CNTN4: variants seen among roughly 807,000 people sequenced by gnomAD.
CNTN4 encodes the protein contactin 4.
Under a neutral mutation model 122.5 loss-of-function variants are expected in CNTN4, and 77 were observed. The observed-to-expected ratio is 0.63, with a 90% CI of 0.52 to 0.76. The LOEUF (loss-of-function observed/expected upper bound fraction) is 0.76, where lower values mean the gene tolerates loss of function less well. CNTN4 is among the 30% of genes least tolerant of loss of function. The pLI is 0.00. For missense variants in CNTN4, 1,256 were observed against 1,259.1 expected (o/e 1.00, Z 0.04); for synonymous variants, 512 against 447.0 (o/e 1.15, Z -1.83).
At chr3:2,599,328 G>T (rs73005793) in intron 4 of CNTN4, among the ~76,000 whole-genome samples, 1,555 of 152,302 alleles carry the variant, frequency 0.01, 10 homozygotes, top group Middle Eastern at 0.034. Context: ...GGTGAAGAAA[G>T]AATTTAAAAC....
intron 3 of CNTN4, among the ~76,000 whole-genome samples, chr3:2,447,668 T>C (rs930611696): frequency 3.3e-5 from 5 of 152,258 alleles, no homozygotes; most frequent in Admixed American, 6.5e-5. Flanking sequence ...TATATGTACA[T>C]ATTCTGAATG....
chr3:2,328,407 A>G (rs1042958337), intron 2 of CNTN4, among the ~76,000 whole-genome samples: 2 of 152,224 alleles, frequency 1.3e-5, no homozygotes, highest in Admixed American at 6.5e-5. Context: ...CTCCGTCTCA[A>G]AAAATAAAAA....
At chr3:2,677,548 C>A (rs10452000) in intron 4 of CNTN4, among the ~76,000 whole-genome samples, 14 of 147,184 alleles carry the variant, frequency 9.5e-5, no homozygotes, top group Middle Eastern at 3.5e-3. Context: ...CACACACTTA[C>A]GACTGGTTTA....
chr3:2,560,628 C>T (rs1290424216), intron 3 of CNTN4, among the ~76,000 whole-genome samples: 5 of 152,142 alleles, frequency 3.3e-5, no homozygotes, highest in African/African-American at 9.7e-5. Flanking sequence ...TCAGAAATAA[C>T]TTGCCTAAAA....
intron 4 of CNTN4, among the ~76,000 whole-genome samples, chr3:2,692,127 G>A (rs1251882874): frequency 6.6e-6 from 1 of 152,168 alleles, no homozygotes; most frequent in Non-Finnish European, 1.5e-5. Context: ...TTGGACCCAT[G>A]AGAAGTATTA....
chr3:2,849,580 G>T (rs374276921), intron 7 of CNTN4, among the ~76,000 whole-genome samples: 63 of 152,322 alleles, frequency 4.1e-4, no homozygotes, highest in Middle Eastern at 6.8e-3. Context: ...GGAGCAGAAA[G>T]AAGTACTTAT....
At chr3:2,265,864 A>C (rs965856817) in intron 2 of CNTN4, among the ~76,000 whole-genome samples, 4 of 150,908 alleles carry the variant, frequency 2.7e-5, no homozygotes, top group African/African-American at 9.7e-5. Context: ...TTTCTTTTTC[A>C]GGTTGATCTC....
intron 2 of CNTN4, among the ~76,000 whole-genome samples, chr3:2,120,858 G>A (rs367760911): frequency 6.6e-6 from 1 of 152,050 alleles, no homozygotes; most frequent in South Asian, 2.1e-4. Flanking sequence ...AACATTTACA[G>A]TGTACCAAGG....
chr3:2,349,042 TTCTTTAATTA>T (rs2044509302), intron 3 of CNTN4, among the ~76,000 whole-genome samples: 1 of 152,214 alleles, frequency 6.6e-6, no homozygotes, highest in Non-Finnish European at 1.5e-5. Flanking sequence ...TAATATTTGA[TTCTTTAATTA>T]TTTCCAGCTG....
rs185306785 is a variant in CNTN4 at position 2,112,081 on chromosome 3, A to G, written c.-145+11442A>G. On this transcript the variant is annotated intron_variant, in intron 2 of 24. Transcript: ENST00000418658. ...CTATTACTGCGAGCCACTGTATCAG[A>G]ACTGAGATGAGATTAGCACTATTTG... Among the ~76,000 whole-genome samples, 557 of 152,260 alleles carry G rather than the reference A, an allele frequency of 3.7e-3. 4 individuals are homozygous for G. The highest frequency in any genetic ancestry group is 0.013 in the African/African-American group (545 of 41,562).
intron 4 of CNTN4, among the ~76,000 whole-genome samples, chr3:2,723,678 C>G (rs1036419959): frequency 6.6e-6 from 1 of 152,182 alleles, no homozygotes; most frequent in African/African-American, 2.4e-5. Flanking sequence ...AGGGCCTTAC[C>G]TCTAAATACT....
At chr3:2,592,744 G>A (rs1378180126) in intron 4 of CNTN4, among the ~76,000 whole-genome samples, 1 of 152,176 alleles carries the variant, frequency 6.6e-6, no homozygotes, top group Admixed American at 6.5e-5. Context: ...GTCTTCATCA[G>A]CAGTGTGAAA....
At chr3:2,672,042 G>T (rs1407855897) in intron 4 of CNTN4, among the ~76,000 whole-genome samples, 1 of 152,216 alleles carries the variant, frequency 6.6e-6, no homozygotes, top group Non-Finnish European at 1.5e-5. Context: ...GTGCCTCCCA[G>T]TTAGGCTACT....
chr3:2,995,157 G>T (rs1276196485), intron 14 of CNTN4, among the ~76,000 whole-genome samples: 2 of 152,198 alleles, frequency 1.3e-5, no homozygotes, highest in East Asian at 3.9e-4. Context: ...TTAGATCTGA[G>T]ATCTGTCACC....
chr3:2,513,140 GA>G (rs1411134892), intron 3 of CNTN4, among the ~76,000 whole-genome samples: 2 of 152,108 alleles, frequency 1.3e-5, no homozygotes, highest in East Asian at 1.9e-4. Flanking sequence ...CAGTTCTCTG[GA>G]AAAAAGTAAG....
At chr3:2,668,927 C>A (rs1279603409) in intron 4 of CNTN4, among the ~76,000 whole-genome samples, 1 of 152,306 alleles carries the variant, frequency 6.6e-6, no homozygotes, top group East Asian at 1.9e-4. Flanking sequence ...AGCCTTGCAT[C>A]ATAGGGATGA....
chr3:2,139,508 C>T (rs1177046423), intron 2 of CNTN4, among the ~76,000 whole-genome samples: 2 of 152,174 alleles, frequency 1.3e-5, no homozygotes, highest in Non-Finnish European at 2.9e-5. Flanking sequence ...GCTATGAACC[C>T]AGCTTTGCAA....
chr3:2,925,060 A>C (rs930838240), intron 12 of CNTN4, among the ~76,000 whole-genome samples: 7 of 152,226 alleles, frequency 4.6e-5, no homozygotes, highest in Non-Finnish European at 7.3e-5. Context: ...GTCCCTCAAC[A>C]GGGAGATGAG....
chr3:2,996,891 A>AC (rs1695586459), intron 14 of CNTN4, among the ~76,000 whole-genome samples: 1 of 152,230 alleles, frequency 6.6e-6, no homozygotes, highest in Non-Finnish European at 1.5e-5. Flanking sequence ...TAGCTCTGCT[A>AC]CCACTTCTGA....
Sources: allele counts gnomAD v4.1 joint callset (sites outside exome capture counted in the v4.1 genomes callset), GRCh38; gene constraint gnomAD v4.1.1; transcripts MANE v1.5; gene names NCBI Gene and HGNC (gene_info 2026-07-23, HGNC 2026-07-21).